CLCNKA: variants seen among roughly 807,000 people sequenced by gnomAD.
CLCNKA encodes the protein chloride channel protein ClC-Ka.
A neutral mutation model predicts 83.3 loss-of-function variants in CLCNKA; 66 were observed. The ratio of observed to expected loss-of-function variants is 0.79; its 90% CI spans 0.65 to 0.97. The LOEUF (loss-of-function observed/expected upper bound fraction) is 0.97. CLCNKA is among the 50% of genes least tolerant of loss of function. The probability of loss-of-function intolerance (pLI) is 0.00; values close to 1 mark genes in which losing one functional copy is unlikely to be tolerated. For missense variants in CLCNKA, 806 were observed against 888.7 expected, an observed-to-expected ratio of 0.91 and a Z score of 1.18; for synonymous variants, 357 against 370.4, an observed-to-expected ratio of 0.96 and a Z score of 0.42.
In CLCNKA at chr1:16,022,654, C is replaced by G. The variant is rs1345541438; in HGVS notation, c.35C>G (p.Ser12Ter). The change falls in exon 2 of 20, where the codon TCA (serine) becomes TGA (stop). Residue 12 changes from serine to a stop codon, truncating the protein, a stop_gained. Transcript: ENST00000331433. LOFTEE classifies it high-confidence loss of function. ...TTGGTGGGGCTGCGTGAGGGCTTCT[C>G]AGGGGACCCTGTGACTCTGCAGGAG... Reference protein sequence around the residue: ...EELVGLREGFSGDPVTLQELW... With the variant: ...EELVGLREGF 4 of 1,568,536 alleles carry G rather than the reference C, an allele frequency of 2.6e-6. No individual in the cohort carries two copies. The highest frequency in any genetic ancestry group is 3.5e-6 in the Non-Finnish European group (4 of 1,156,472).
At chr1:16,022,396 A>C (rs1246754338) in intron 1 of CLCNKA, among the ~76,000 whole-genome samples, 2 of 152,092 alleles carry the variant, frequency 1.3e-5, no homozygotes, top group Non-Finnish European at 2.9e-5. Flanking sequence ...GACACCTAGG[A>C]ATCCCACCCT....
chr1:16,028,492 T>G, intron 10 of CLCNKA: 1 of 639,406 alleles, frequency 1.6e-6, no homozygotes, highest in Non-Finnish European at 2.9e-6. Flanking sequence ...GTCTCCTCCC[T>G]CCTAGCCTGC....
chr1:16,028,915 C>T (rs758940881), intron 11 of CLCNKA, 70 bp downstream of exon 11: 295 of 1,566,734 alleles, frequency 1.9e-4, no homozygotes, highest in Non-Finnish European at 2.2e-4. Context: ...ATGTGTCTCA[C>T]GTAATACCCT....
chr1:16,032,178 C>T, intron 16 of CLCNKA, 25 bp from the exon 17 acceptor site: 6 of 1,600,458 alleles, frequency 3.7e-6, no homozygotes, highest in Non-Finnish European at 5.1e-6. Flanking sequence ...ATGCACCTCC[C>T]TCCCTCTCCC....
At chr1:16,022,770 T>C (rs1475218540) in intron 2 of CLCNKA, 51 bp downstream of exon 2, 1 of 1,296,522 alleles carries the variant, frequency 7.7e-7, no homozygotes, top group Non-Finnish European at 1.0e-6. Context: ...CAGGACATCA[T>C]TCCTGCCTGG....
intron 11 of CLCNKA, 46 bp from the exon 12 acceptor site, chr1:16,029,080 G>T: frequency 1.3e-6 from 2 of 1,596,514 alleles, no homozygotes; most frequent in Non-Finnish European, 1.7e-6. Flanking sequence ...GGGGTCTGCC[G>T]CTGGGGGGGG....
At position 16,029,737 on chromosome 1, in the gene CLCNKA, A is replaced by G. The variant is rs1040312520; in HGVS notation, c.1234A>G (p.Met412Val). ...LAFFLVMKFW[M>V]LILATTIPMP... Reference sequence around the variant, plus strand: ...GGGCTCCCCCTTCCTGCAGTTCTGGATGCTGATTCTGGCCACCACCATCCC... The same window carrying G: ...GGGCTCCCCCTTCCTGCAGTTCTGGGTGCTGATTCTGGCCACCACCATCCC... The change falls in exon 13 of 20, where the codon ATG (methionine) becomes GTG (valine). Residue 412 changes from methionine to valine, a missense_variant. Transcript: ENST00000331433. 5.0e-6 allele frequency: 8 copies of G among 1,613,930 alleles called. No homozygotes were observed. In the African/African-American group the frequency reaches 9.3e-5, roughly 19 times the overall value.
At chr1:16,025,182 C>T (rs900085629) in intron 4 of CLCNKA, among the ~76,000 whole-genome samples, 4 of 152,220 alleles carry the variant, frequency 2.6e-5, no homozygotes, top group Admixed American at 6.5e-5. Context: ...TCAGCCCTTC[C>T]TCCAGCTCCA....
intron 19 of CLCNKA, 96 bp from the exon 20 acceptor site, chr1:16,033,515 G>C: frequency 1.8e-6 from 2 of 1,101,842 alleles, no homozygotes; most frequent in East Asian, 2.5e-5. Flanking sequence ...CTACTATTCA[G>C]CCTGGAAATG....
At position 16,031,854 on chromosome 1, in the gene CLCNKA, G is replaced by C. The variant is rs1165788359; in HGVS notation, c.1756+11G>C. On this transcript the variant is annotated intron_variant, in intron 16 of 19. Transcript: ENST00000331433. ...TGGTGGAGAGCACAGGTGCCCAGCT[G>C]GAAGGGAGGAGGAAGTCGGGGGTAG... 7 of 1,613,698 alleles carry C rather than the reference G, an allele frequency of 4.3e-6. No individual in the cohort carries two copies. The African/African-American group carries it at 8.0e-5, about 18-fold the overall frequency.
In CLCNKA at chr1:16,031,772, C is replaced by G; in HGVS notation, c.1685C>G (p.Thr562Arg). 1 of 1,613,962 alleles carries G rather than the reference C, an allele frequency of 6.2e-7. No individual in the cohort carries two copies. The highest frequency in any genetic ancestry group is 8.5e-7 in the Non-Finnish European group (1 of 1,180,030). ...AGCATCACCACACTGGCCAAGGACA[C>G]GCCGCTGGAGGAGGTGGTCAAGGTT... Reference protein sequence around the residue: ...NHSITTLAKDTPLEEVVKVVT... With the variant: ...NHSITTLAKDRPLEEVVKVVT... The change falls in exon 16 of 20, where the codon ACG becomes AGG. Residue 562 changes from threonine to arginine, a missense_variant. Physicochemically the swap from Thr to Arg is moderately conservative, Grantham distance 71. Coordinates refer to ENST00000331433, the MANE Select transcript of CLCNKA (RefSeq NM_004070.4).
chr1:16,031,151 A>T lies in CLCNKA; in HGVS notation c.1622+477A>T, dbSNP rs537578993. Among the ~76,000 whole-genome samples the T allele has an allele frequency of 3.2e-4, 48 of 152,344 alleles. No individual in the cohort carries two copies. In the South Asian group the frequency reaches 9.5e-3, roughly 30 times the overall value. ...GAGCAGCTTCTGGCGCCAGAAAAGC[A>T]GACCAAAGAGGCTCTGAGAGTCCGA... is the stretch of plus-strand genomic sequence containing the variant. On this transcript the variant is annotated intron_variant, in intron 15 of 19. Transcript: ENST00000331433.
intron 4 of CLCNKA, among the ~76,000 whole-genome samples, 186 bp downstream of exon 4, chr1:16,025,077 G>A (rs1356159203): frequency 1.3e-5 from 2 of 152,226 alleles, no homozygotes; most frequent in Non-Finnish European, 2.9e-5. Context: ...GGCCCTACTC[G>A]CTTTCCAAGG....
chr1:16,029,903 G>A, intron 13 of CLCNKA, 62 bp from the exon 14 acceptor site: 2 of 1,599,860 alleles, frequency 1.3e-6, no homozygotes, highest in Non-Finnish European at 8.6e-7. Context: ...ATGGTCCTCA[G>A]GGATGGAGGG....
chr1:16,032,292 G>T lies in CLCNKA; in HGVS notation c.1845+1G>T, dbSNP rs764923407. 6 of 1,587,246 alleles carry T rather than the reference G, an allele frequency of 3.8e-6. No homozygotes were observed. The Admixed American group carries it at 1.0e-4, about 27-fold the overall frequency. ...TCCTTCCAGGGCTCCAGGACACCAG[G>T]TGGTTACTCCTGAGGGGCGTGGGGA... On this transcript the variant is annotated splice_donor_variant, in intron 17 of 19. Coordinates refer to ENST00000331433, the MANE Select transcript of CLCNKA (RefSeq NM_004070.4). LOFTEE classifies it high-confidence loss of function.
intron 8 of CLCNKA, 42 bp downstream of exon 8, chr1:16,027,477 C>A (rs1186643347): frequency 1.9e-6 from 3 of 1,610,532 alleles, no homozygotes; most frequent in Non-Finnish European, 2.5e-6. Context: ...TGCCTGGGGG[C>A]CGGGGCGAGG....
chr1:16,030,703 A>C (rs758224634), intron 15 of CLCNKA, 29 bp downstream of exon 15: 4 of 1,612,724 alleles, frequency 2.5e-6, no homozygotes, highest in Non-Finnish European at 2.5e-6. Context: ...AGGCTGACTG[A>C]AGGGGGTCAC....
intron 4 of CLCNKA, 24 bp downstream of exon 4, chr1:16,024,915 G>A (rs1158642218): frequency 8.1e-6 from 13 of 1,613,802 alleles, no homozygotes; most frequent in Non-Finnish European, 1.1e-5. Flanking sequence ...CGCCATGCCA[G>A]TCCCCAGTGC....
At position 16,033,662 on chromosome 1, in the gene CLCNKA, G is replaced by A. The variant is rs532507751; in HGVS notation, c.*4G>A. Reference sequence around the variant, plus strand: ...AAATCCGCCAGCTCCAAAGTGAGCCGGCCCAGCAAGATGAAACAGGGCACC... The same window carrying A: ...AAATCCGCCAGCTCCAAAGTGAGCCAGCCCAGCAAGATGAAACAGGGCACC... On this transcript the variant is annotated 3_prime_UTR_variant, in exon 20 of 20. Coordinates refer to ENST00000331433, the MANE Select transcript of CLCNKA (RefSeq NM_004070.4). 38 of 1,590,748 alleles carry A rather than the reference G, an allele frequency of 2.4e-5. No homozygotes were observed. Among genetic ancestry groups the A allele is most frequent in the South Asian group, 1.2e-4 (11 of 90,526 alleles).
Sources: allele counts gnomAD v4.1 joint callset (sites outside exome capture counted in the v4.1 genomes callset), GRCh38; gene constraint gnomAD v4.1.1; transcripts MANE v1.5; gene names NCBI Gene and HGNC (gene_info 2026-07-23, HGNC 2026-07-21).